Variants in CEMIP2 observed in about 807,000 individuals in gnomAD.
The protein encoded by CEMIP2 is cell migration inducing hyaluronidase 2, also known as cell surface hyaluronidase CEMIP2.
CEMIP2 carries 79 observed loss-of-function variants against 146.9 expected under a neutral mutation model. The ratio of observed to expected loss-of-function variants is 0.54; its 90% CI spans 0.45 to 0.65. The LOEUF (loss-of-function observed/expected upper bound fraction) is 0.65, where lower values mean the gene tolerates loss of function less well. Ranked by LOEUF, CEMIP2 falls within the 30% of genes least tolerant of loss-of-function variation. CEMIP2 has a pLI of 0.00. For missense variants in CEMIP2, 1,596 were observed against 1,696.2 expected (o/e 0.94, Z 1.04); for synonymous variants, 601 against 606.3 (o/e 0.99, Z 0.13).
chr9:71,702,346 C>A (rs551985872), intron 18 of CEMIP2, among the ~76,000 whole-genome samples: 2 of 143,510 alleles, frequency 1.4e-5, no homozygotes, highest in African/African-American at 5.2e-5. Context: ...AAAATGCAGA[C>A]AAAAGATAGA....
At chr9:71,733,035 C>T (rs1228290627) in intron 6 of CEMIP2, among the ~76,000 whole-genome samples, 2 of 152,150 alleles carry the variant, frequency 1.3e-5, no homozygotes, top group African/African-American at 4.8e-5. Context: ...TCCATACGCT[C>T]TTGGTCTCCT....
chr9:71,762,528 T>TAAAAAAA (rs1824668069), intron 1 of CEMIP2, among the ~76,000 whole-genome samples: 3 of 59,064 alleles, frequency 5.1e-5, no homozygotes, highest in African/African-American at 5.1e-5. Context: ...AAAAAAAAAC[T>TAAAAAAA]GGCTAGCAGC....
At chr9:71,725,754 A>G (rs1489953656) in intron 10 of CEMIP2, 45 bp from the exon 11 acceptor site, 5 of 1,577,768 alleles carry the variant, frequency 3.2e-6, no homozygotes, top group Non-Finnish European at 4.3e-6. Context: ...ATTTATACAG[A>G]TATCTATGAA....
chr9:71,694,424 A>G (rs1022143455), intron 21 of CEMIP2, 85 bp downstream of exon 21: 6 of 1,132,950 alleles, frequency 5.3e-6, no homozygotes, highest in Admixed American at 1.9e-5. Flanking sequence ...CACCCAGCCA[A>G]TTTCTGTTGT....
At chr9:71,736,355 G>T (rs1025939959) in intron 5 of CEMIP2, among the ~76,000 whole-genome samples, 1 of 152,262 alleles carries the variant, frequency 6.6e-6, no homozygotes, top group South Asian at 2.1e-4. Flanking sequence ...CTTGGAAGCT[G>T]CATCAGTGAA....
In CEMIP2 at chr9:71,697,972, C is replaced by T. The variant is rs895327454; in HGVS notation, c.3597+13G>A. On this transcript the variant is annotated intron_variant, in intron 20 of 23. Coordinates refer to ENST00000377044, the MANE Select transcript of CEMIP2 (RefSeq NM_013390.3). ...TTCTCCTTGGCCACAGACCACTTTT[C>T]ATCCTTGTTTACCTGCCGAGTGCCA... 1 of 1,611,000 alleles carries T rather than the reference C, an allele frequency of 6.2e-7. No homozygotes were observed. Among genetic ancestry groups the T allele is most frequent in the Admixed American group, 1.7e-5 (1 of 59,794 alleles).
In CEMIP2 at chr9:71,730,128, G is replaced by A. The variant is rs144074911; in HGVS notation, c.1899C>T (p.Thr633=). ...LLTKPGTLLP[T]DRNNSMCTTM... ...TGGTACACATGGAGTTGTTCCTATCGGTGGGCAGGAGAGTACCCGGCTTGG... is the reference window on the plus strand; with the variant it reads ...TGGTACACATGGAGTTGTTCCTATCAGTGGGCAGGAGAGTACCCGGCTTGG... The change falls in exon 9 of 24, where the codon ACC becomes ACT. Residue 633 remains threonine, a synonymous_variant. Coordinates refer to ENST00000377044, the MANE Select transcript of CEMIP2 (RefSeq NM_013390.3). The A allele has an allele frequency of 7.6e-5, 122 of 1,614,112 alleles. No homozygotes were observed. The highest frequency in any genetic ancestry group is 2.2e-4 in the Admixed American group (13 of 60,012).
chr9:71,702,466 C>T (rs567889171), intron 18 of CEMIP2, among the ~76,000 whole-genome samples: 2 of 151,942 alleles, frequency 1.3e-5, no homozygotes, highest in African/African-American at 2.4e-5. Flanking sequence ...AATTATGGCA[C>T]ATCCATAGAC....
chr9:71,762,399 T>C (rs944925107), intron 1 of CEMIP2, among the ~76,000 whole-genome samples: 3 of 150,228 alleles, frequency 2.0e-5, no homozygotes, highest in Admixed American at 6.7e-5. Context: ...GGCAGTTGGA[T>C]GGCTTGAGCC....
chr9:71,754,987 A>T (rs1022784359), intron 1 of CEMIP2, among the ~76,000 whole-genome samples: 21 of 152,146 alleles, frequency 1.4e-4, no homozygotes, highest in African/African-American at 5.1e-4. Flanking sequence ...CCACAAAAAG[A>T]TACCTTAAAA....
intron 16 of CEMIP2, among the ~76,000 whole-genome samples, chr9:71,709,969 C>T (rs1822860111): frequency 6.6e-6 from 1 of 152,106 alleles, no homozygotes; most frequent in African/African-American, 2.4e-5. Context: ...TCTCCAAATG[C>T]TTCAGTTACT....
Position 71,730,206 on chromosome 9 carries a change from C to T in CEMIP2, c.1821G>A (p.Leu607=). 1 of 1,614,042 alleles carries T rather than the reference C, an allele frequency of 6.2e-7. No individual in the cohort carries two copies. The highest frequency in any genetic ancestry group is 8.5e-7 in the Non-Finnish European group (1 of 1,180,020). The stretch of plus-strand genomic sequence containing the variant: ...TATTCCTCTGTTCAATACCATCTTC[C>T]AAAAAGAAACAATGACCTAGTGTGT... ...GFDTLGHCFF[L]EDGIEQRNTL... is the part of the protein sequence containing the mutation. The change falls in exon 9 of 24, where the codon TTG becomes TTA. Residue 607 remains leucine (L), a synonymous_variant. Coordinates refer to ENST00000377044, the MANE Select transcript of CEMIP2 (RefSeq NM_013390.3).
At position 71,689,585 on chromosome 9, in the gene CEMIP2, G is replaced by T. The variant is rs146775588; in HGVS notation, c.3851+507C>A. Among the ~76,000 whole-genome samples, 6 of 152,174 alleles carry T rather than the reference G, an allele frequency of 3.9e-5. No individual in the cohort carries two copies. In the East Asian group the frequency reaches 9.6e-4, roughly 24 times the overall value. ...TACTCTTTTCCAGTCATTTCCAAGT[G>T]ACCCAGGTGATGACTTCCTGTATCA... On this transcript the variant is annotated intron_variant, in intron 22 of 23. Transcript: ENST00000377044.
rs960418677 is a variant in CEMIP2 at position 71,755,858 on chromosome 9, A to C, written c.-12-5473T>G. Among the ~76,000 whole-genome samples, 6 of 149,390 alleles carry C rather than the reference A, an allele frequency of 4.0e-5. No homozygotes were observed. The Admixed American group carries it at 4.0e-4, about 10-fold the overall frequency. On this transcript the variant is annotated intron_variant, in intron 1 of 23. Coordinates refer to ENST00000377044, the MANE Select transcript of CEMIP2 (RefSeq NM_013390.3). ...GTGCCTTTAGTCCTAGCTACTCACT[A>C]GACTGAGGCATGAGGATCACTTGAG...
chr9:71,696,256 G>T (rs575746337), intron 20 of CEMIP2, among the ~76,000 whole-genome samples: 3 of 152,120 alleles, frequency 2.0e-5, no homozygotes, highest in Admixed American at 6.5e-5. Context: ...TGAGAATTAG[G>T]CTGGAAAATT....
chr9:71,685,407 A>G lies in CEMIP2; in HGVS notation c.3956-14T>C. 7 of 1,496,544 alleles carry G rather than the reference A, an allele frequency of 4.7e-6. No homozygotes were observed. The highest frequency in any genetic ancestry group is 6.2e-6 in the Non-Finnish European group (7 of 1,125,828). The allele number at this position is 1,496,544 out of a possible 1,614,324, so 92.7% of individuals were successfully genotyped here. ...ATATGGTACTCCCTAAAAAAAAAAA[A>G]AAAAAAGAAAAAGAAAAAAAATCAA... On this transcript the variant is annotated splice_polypyrimidine_tract_variant and intron_variant, in intron 23 of 23. Transcript: ENST00000377044.
intron 10 of CEMIP2, among the ~76,000 whole-genome samples, 192 bp downstream of exon 10, chr9:71,729,653 C>T (rs924655063): frequency 2.6e-5 from 4 of 151,598 alleles, no homozygotes; most frequent in Admixed American, 6.6e-5. Context: ...AAGATACTAA[C>T]GGGCACAAAG....
At position 71,704,801 on chromosome 9, in the gene CEMIP2, G is replaced by T; in HGVS notation, c.2988C>A (p.Val996=). The T allele has an allele frequency of 1.9e-6, 3 of 1,612,290 alleles. No individual in the cohort carries two copies. Among genetic ancestry groups the T allele is most frequent in the Non-Finnish European group, 2.5e-6 (3 of 1,178,586 alleles). Residue 996 remains valine, a splice_region_variant and synonymous_variant, in exon 18 of 24, where the codon GTC becomes GTA. Coordinates refer to ENST00000377044, the MANE Select transcript of CEMIP2 (RefSeq NM_013390.3). The part of the protein sequence containing the change: ...AVICSGTYAQ[V]YVQTWSTQNL... ...TCTGAGTGCTCCATGTCTGTACATA[G>T]ACCTTGAAAAAATAATCAAGAAGTA... is the stretch of plus-strand genomic sequence containing the variant.
chr9:71,719,842 C>CAAAAAAAAAGAAAAAAAA (rs1823181511), intron 12 of CEMIP2, among the ~76,000 whole-genome samples: 1 of 93,196 alleles, frequency 1.1e-5, no homozygotes. Flanking sequence ...TAAACGAAAG[C>CAAAAAAAAAGAAAAAAAA]AAAAAAAAAA....
Sources: gnomAD v4.1 joint callset for allele counts (sites outside exome capture counted in the v4.1 genomes callset) on GRCh38, gnomAD v4.1.1 for gene constraint, MANE v1.5 for transcripts, NCBI Gene and HGNC (gene_info 2026-07-23, HGNC 2026-07-21) for gene names.